GMPS: variants seen among roughly 807,000 people sequenced by gnomAD.
GMPS encodes the protein GMP synthase [glutamine-hydrolyzing].
A neutral mutation model predicts 77.9 loss-of-function variants in GMPS; 15 were observed. The ratio of observed to expected loss-of-function variants is 0.19; its 90% CI spans 0.13 to 0.30. GMPS has a LOEUF of 0.30. GMPS is among the 10% of genes least tolerant of loss of function. The probability of loss-of-function intolerance (pLI) is 1.00; values close to 1 mark genes in which losing one functional copy is unlikely to be tolerated. For missense variants in GMPS, 590 were observed against 838.8 expected (o/e 0.70, Z 3.66); for synonymous variants, 224 against 275.9 (o/e 0.81, Z 1.86).
intron 12 of GMPS, among the ~76,000 whole-genome samples, chr3:155,928,505 T>G (rs550114002): frequency 2.0e-5 from 3 of 152,148 alleles, no homozygotes; most frequent in Admixed American, 6.5e-5. Flanking sequence ...AGAGAATAAA[T>G]TATCAGTTTT....
intron 7 of GMPS, 86 bp downstream of exon 7, chr3:155,911,365 C>T (rs1261712176): frequency 1.4e-6 from 1 of 731,378 alleles, no homozygotes; most frequent in Admixed American, 3.5e-5. Flanking sequence ...AGCACAATTA[C>T]AGTTTTCTCA....
intron 10 of GMPS, among the ~76,000 whole-genome samples, chr3:155,921,716 C>G (rs1755320872): frequency 6.6e-6 from 1 of 152,008 alleles, no homozygotes; most frequent in Admixed American, 6.6e-5. Context: ...TGCTTGAGCT[C>G]AGGAATTTGA....
chr3:155,891,453 A>T (rs1335203995), intron 1 of GMPS, among the ~76,000 whole-genome samples: 1 of 152,172 alleles, frequency 6.6e-6, no homozygotes, highest in Non-Finnish European at 1.5e-5. Context: ...GAAAGGACAA[A>T]GTTGTAGTTT....
At chr3:155,912,350 G>T (rs1346623656) in intron 7 of GMPS, among the ~76,000 whole-genome samples, 1 of 152,184 alleles carries the variant, frequency 6.6e-6, no homozygotes, top group East Asian at 1.9e-4. Context: ...GGGTAAAGGT[G>T]GATTTTCTCT....
intron 12 of GMPS, among the ~76,000 whole-genome samples, chr3:155,928,909 GC>G (rs1477007176): frequency 6.6e-6 from 1 of 150,966 alleles, no homozygotes. Flanking sequence ...GTGTATATGT[GC>G]CACATTTTCT....
At chr3:155,928,019 CTTTTTTTTTT>C (rs35962523) in intron 12 of GMPS, among the ~76,000 whole-genome samples, 2 of 67,842 alleles carry the variant, frequency 2.9e-5, no homozygotes, top group South Asian at 5.2e-4. Context: ...GCATTTTACA[CTTTTTTTTTT>C]TTTTTTTTTT....
Position 155,941,576 on chromosome 3 carries a change from C to T in GMPS, c.*3884C>T, listed in dbSNP as rs1194214827. On this transcript the variant is annotated 3_prime_UTR_variant, in exon 16 of 16. Coordinates refer to ENST00000496455, the MANE Select transcript of GMPS (RefSeq NM_003875.3). ...TTATAACCACTTTCCCACACTACTC[C>T]CCTCCAGAAATCTCATTGATATGTG... The T allele has an allele frequency of 4.5e-6, 1 of 221,142 alleles. No individual in the cohort carries two copies. The highest frequency in any genetic ancestry group is 9.1e-6 in the Non-Finnish European group (1 of 110,424). 13.7% of individuals were successfully genotyped at this position (221,142 alleles called of 1,614,324 possible).
rs1171275758 is a variant in GMPS at position 155,874,901 on chromosome 3, CTTTTTTTTTTT to C, written c.27+4018_27+4028del. The stretch of plus-strand genomic sequence containing the variant: ...GTAGTACATTCTTAAACTTTGTTTT[CTTTTTTTTTTT>C]TTTTTTTTTTTTTGAGACAGAGTCT... On this transcript the variant is annotated intron_variant, in intron 1 of 15. Coordinates refer to ENST00000496455, the MANE Select transcript of GMPS (RefSeq NM_003875.3). Among the ~76,000 whole-genome samples the C allele has an allele frequency of 9.8e-5, 7 of 71,416 alleles. No homozygotes were observed. The East Asian group carries it at 1.3e-3, about 13-fold the overall frequency. The allele number at this position is 71,416 out of a possible 152,430, so 46.9% of individuals were successfully genotyped here.
At chr3:155,874,964 G>A (rs1033763827) in intron 1 of GMPS, among the ~76,000 whole-genome samples, 3 of 136,564 alleles carry the variant, frequency 2.2e-5, no homozygotes, top group African/African-American at 8.2e-5. Context: ...CTGGAGTACA[G>A]TGGCATGATC....
chr3:155,876,895 A>C (rs1329201317), intron 1 of GMPS, among the ~76,000 whole-genome samples: 1 of 152,240 alleles, frequency 6.6e-6, no homozygotes, highest in Non-Finnish European at 1.5e-5. Flanking sequence ...CTAAGGTAAA[A>C]TAATCTTCTC....
chr3:155,893,323 G>A (rs1234738595), intron 1 of GMPS, among the ~76,000 whole-genome samples, 195 bp from the exon 2 acceptor site: 1 of 152,106 alleles, frequency 6.6e-6, no homozygotes, highest in African/African-American at 2.4e-5. Flanking sequence ...AAGTTTAAGT[G>A]TTTAATATAT....
At chr3:155,871,418 G>C (rs1239674888) in intron 1 of GMPS, among the ~76,000 whole-genome samples, 1 of 152,136 alleles carries the variant, frequency 6.6e-6, no homozygotes. Context: ...TTTCCCGCCT[G>C]CCCTCGGCGA....
chr3:155,889,395 T>G (rs1490104232), intron 1 of GMPS, among the ~76,000 whole-genome samples: 9 of 152,198 alleles, frequency 5.9e-5, no homozygotes, highest in African/African-American at 4.8e-5. Context: ...TTGGGTTCCC[T>G]GCCACTTGTG....
At chr3:155,902,162 G>A (rs1429709294) in intron 3 of GMPS, among the ~76,000 whole-genome samples, 3 of 152,158 alleles carry the variant, frequency 2.0e-5, no homozygotes, top group Non-Finnish European at 2.9e-5. Context: ...GGGCCCTTGG[G>A]CTGTGAAGAG....
intron 9 of GMPS, among the ~76,000 whole-genome samples, chr3:155,917,533 G>A (rs1400342390): frequency 1.3e-5 from 2 of 152,160 alleles, no homozygotes; most frequent in East Asian, 3.9e-4. Context: ...TTAGCATAAT[G>A]TCCTTAAGGT....
intron 2 of GMPS, 88 bp downstream of exon 2, chr3:155,893,787 C>A: frequency 2.9e-6 from 2 of 695,254 alleles, no homozygotes; most frequent in African/African-American, 1.9e-5. Flanking sequence ...CTGAATTTTT[C>A]TACGAAAATA....
chr3:155,885,513 G>A (rs534645908), intron 1 of GMPS, among the ~76,000 whole-genome samples: 1 of 152,116 alleles, frequency 6.6e-6, no homozygotes, highest in Non-Finnish European at 1.5e-5. Context: ...TATTGCATCA[G>A]GGTATGTCTT....
chr3:155,932,554 G>A (rs190905469), intron 13 of GMPS, among the ~76,000 whole-genome samples: 2 of 151,796 alleles, frequency 1.3e-5, no homozygotes, highest in South Asian at 2.1e-4. Context: ...CAATTTCATC[G>A]TACCATATAT....
At chr3:155,933,807 G>A (rs1755691873) in intron 13 of GMPS, among the ~76,000 whole-genome samples, 1 of 152,110 alleles carries the variant, frequency 6.6e-6, no homozygotes. Context: ...TGTTTTCTGG[G>A]TGAAGATTGT....
Sources: gnomAD v4.1 joint callset for allele counts (sites outside exome capture counted in the v4.1 genomes callset) on GRCh38, gnomAD v4.1.1 for gene constraint, MANE v1.5 for transcripts, NCBI Gene and HGNC (gene_info 2026-07-23, HGNC 2026-07-21) for gene names.